Variants in CKAP2 observed in about 807,000 individuals in gnomAD.
CKAP2 encodes cytoskeleton associated protein 2.
In CKAP2, 46 loss-of-function variants were observed where a neutral mutation model predicts 58.4. The ratio of observed to expected loss-of-function variants is 0.79; its 90% CI spans 0.62 to 1.01. CKAP2 has a LOEUF of 1.01. Among genes scored for constraint, CKAP2 ranks in the 50% least tolerant of loss-of-function variants. The pLI is 0.00. For missense variants in CKAP2, 809 were observed against 796.4 expected, an observed-to-expected ratio of 1.02 and a Z score of -0.19; for synonymous variants, 293 against 280.9, an observed-to-expected ratio of 1.04 and a Z score of -0.43.
intron 7 of CKAP2, among the ~76,000 whole-genome samples, chr13:52,469,878 G>A (rs990052155): frequency 6.7e-6 from 1 of 149,686 alleles, no homozygotes; most frequent in Non-Finnish European, 1.5e-5. Context: ...TTACAGGCGT[G>A]AGCCACCGTG....
At chr13:52,455,933 T>A (rs1270994151) in intron 1 of CKAP2, 3 of 1,156,370 alleles carry the variant, frequency 2.6e-6, no homozygotes, top group Admixed American at 5.0e-5. Flanking sequence ...AGACCCTGGG[T>A]CCGCTTGGGG....
intron 8 of CKAP2, 149 bp downstream of exon 8, chr13:52,474,233 T>C (rs2137876508): frequency 1.3e-6 from 1 of 778,506 alleles, no homozygotes; most frequent in Non-Finnish European, 2.0e-6. Context: ...CGCCTGTAAT[T>C]TCAGCACTTT....
intron 1 of CKAP2, chr13:52,456,037 CAT>C (rs1214247230): frequency 2.5e-5 from 26 of 1,040,712 alleles, no homozygotes; most frequent in Non-Finnish European, 2.9e-5. Flanking sequence ...GGGGTCGCAT[CAT>C]GTGTTATTTC....
intron 2 of CKAP2, among the ~76,000 whole-genome samples, chr13:52,457,469 A>G (rs1253957462): frequency 6.6e-6 from 1 of 152,210 alleles, no homozygotes; most frequent in Non-Finnish European, 1.5e-5. Context: ...TAGATAGTAC[A>G]TAGCTGTAGC....
intron 2 of CKAP2, among the ~76,000 whole-genome samples, chr13:52,460,413 T>C (rs544357787): frequency 6.6e-6 from 1 of 152,152 alleles, no homozygotes; most frequent in Admixed American, 6.5e-5. Context: ...TTAGGACTTT[T>C]AGAAAATATC....
chr13:52,468,103 C>T (rs1369484193), intron 6 of CKAP2, among the ~76,000 whole-genome samples, 175 bp from the exon 7 acceptor site: 2 of 152,020 alleles, frequency 1.3e-5, no homozygotes, highest in Non-Finnish European at 2.9e-5. Context: ...AGCCATCGTG[C>T]CCAGCCAAGA....
In CKAP2 at chr13:52,455,485, G is replaced by T. The variant is rs567515192; in HGVS notation, c.-72G>T. 4.7e-4 allele frequency: 743 copies of T among 1,574,448 alleles called. 1 individual carries two copies. Among genetic ancestry groups the T allele is most frequent in the Non-Finnish European group, 6.0e-4 (690 of 1,145,652 alleles). On this transcript the variant is annotated 5_prime_UTR_variant, in exon 1 of 9. Transcript: ENST00000258607. The stretch of plus-strand genomic sequence containing the variant: ...TGACGGCTTAGCCGCGGTGCAGACT[G>T]CGGCGGCGGTGGTCTGAGGAAGTTC...
intron 8 of CKAP2, 128 bp downstream of exon 8, chr13:52,474,212 A>T (rs1219848415): frequency 2.1e-6 from 2 of 930,824 alleles, no homozygotes; most frequent in East Asian, 5.2e-5. Context: ...CAGTACGGGC[A>T]TGGTGGCTCA....
In CKAP2 at chr13:52,455,521, C is replaced by A; in HGVS notation, c.-36C>A. ...GGTCTGAGGAAGTTCTATCTTGGCG[C>A]TAAAGCGGAGACGCATCCCCCGACC... On this transcript the variant is annotated 5_prime_UTR_variant, in exon 1 of 9. Coordinates refer to ENST00000258607, the MANE Select transcript of CKAP2 (RefSeq NM_018204.5). 1 of 1,612,240 alleles carries A rather than the reference C, an allele frequency of 6.2e-7. No individual in the cohort carries two copies. Among genetic ancestry groups the A allele is most frequent in the Non-Finnish European group, 8.5e-7 (1 of 1,179,260 alleles).
intron 7 of CKAP2, among the ~76,000 whole-genome samples, chr13:52,469,751 C>T (rs1005027797): frequency 4.6e-5 from 7 of 150,630 alleles, no homozygotes; most frequent in Non-Finnish European, 8.9e-5. Flanking sequence ...CGCCCGCCAC[C>T]GCGCCCGGCT....
chr13:52,467,775 A>G (rs1958701768), intron 6 of CKAP2, among the ~76,000 whole-genome samples: 1 of 151,932 alleles, frequency 6.6e-6, no homozygotes, highest in African/African-American at 2.4e-5. Flanking sequence ...ATTGGAAAAG[A>G]CAGCCATTTT....
chr13:52,462,992 C>T (rs1475631834), intron 5 of CKAP2, among the ~76,000 whole-genome samples: 1 of 152,226 alleles, frequency 6.6e-6, no homozygotes, highest in African/African-American at 2.4e-5. Context: ...AGCTGGAGTG[C>T]AGTGGTGTGA....
chr13:52,457,375 G>A (rs917170578), intron 2 of CKAP2, among the ~76,000 whole-genome samples: 1 of 152,080 alleles, frequency 6.6e-6, no homozygotes, highest in Non-Finnish European at 1.5e-5. Context: ...GGAAGGGTTG[G>A]GTGGCCCTCC....
Position 52,456,626 on chromosome 13 carries a change from C to CT in CKAP2, c.155+23dup. 1 of 1,543,524 alleles carries CT rather than the reference C, an allele frequency of 6.5e-7. No individual in the cohort carries two copies. Among genetic ancestry groups the CT allele is most frequent in the Non-Finnish European group, 8.9e-7 (1 of 1,118,636 alleles). ...TATCCAGGTAAGGTCAAGTTTATTT[C>CT]TTTTCACTTCTGTAAAATTGTATCA... On this transcript the variant is annotated intron_variant, in intron 2 of 8. Coordinates refer to ENST00000258607, the MANE Select transcript of CKAP2 (RefSeq NM_018204.5).
rs764871614 is a variant in CKAP2 at position 52,456,503 on chromosome 13, C to T, written c.71-20C>T. 2 of 1,562,620 alleles carry T rather than the reference C, an allele frequency of 1.3e-6. No homozygotes were observed. Among genetic ancestry groups the T allele is most frequent in the Admixed American group, 1.8e-5 (1 of 57,068 alleles). On this transcript the variant is annotated intron_variant, in intron 1 of 8. Transcript: ENST00000258607. Reference sequence around the variant, plus strand: ...TGTTTTAACTAATATTGACTTGTAGCTCTTACCTTTGTTATCTAGAGCAAA... The same window carrying T: ...TGTTTTAACTAATATTGACTTGTAGTTCTTACCTTTGTTATCTAGAGCAAA...
In CKAP2 at chr13:52,457,511, A is replaced by G. The variant is rs1229155336; in HGVS notation, c.155+904A>G. Among the ~76,000 whole-genome samples the G allele has an allele frequency of 2.6e-5, 4 of 152,324 alleles. No homozygotes were observed. In the South Asian group the frequency reaches 8.3e-4, roughly 32 times the overall value. The stretch of plus-strand genomic sequence containing the variant: ...AAAAACCCATGAAAGTAGATGAAGC[A>G]GAAAGGCAAAAGGTCCCCTCACTCT... On this transcript the variant is annotated intron_variant, in intron 2 of 8. Coordinates refer to ENST00000258607, the MANE Select transcript of CKAP2 (RefSeq NM_018204.5).
At position 52,476,248 on chromosome 13, in the gene CKAP2, C is replaced by T. The variant is rs1432798932; in HGVS notation, c.*1107C>T. ...TGCTTAGTCATTTTTATGTTCATTC[C>T]ACTTTGTATATCTTTTCTATTTATT... is the stretch of plus-strand genomic sequence containing the variant. On this transcript the variant is annotated 3_prime_UTR_variant, in exon 9 of 9. Coordinates refer to ENST00000258607, the MANE Select transcript of CKAP2 (RefSeq NM_018204.5). 1 of 152,056 alleles carries T rather than the reference C, an allele frequency of 6.6e-6. No homozygotes were observed. The highest frequency in any genetic ancestry group is 1.5e-5 in the Non-Finnish European group (1 of 67,992). The allele number at this position is 152,056 out of a possible 1,614,324, so 9.4% of individuals were successfully genotyped here. A position where few individuals can be genotyped will look rare whatever the true frequency, so the allele number is the denominator to read the frequency against.
At chr13:52,456,161 C>A in intron 1 of CKAP2, 8 of 1,040,676 alleles carry the variant, frequency 7.7e-6, no homozygotes, top group Non-Finnish European at 9.2e-6. Flanking sequence ...GAAAGTAATT[C>A]TCATCTAACC....
At chr13:52,460,609 T>C (rs58489920) in intron 2 of CKAP2, among the ~76,000 whole-genome samples, 1 of 148,008 alleles carries the variant, frequency 6.8e-6, no homozygotes, top group African/African-American at 2.5e-5. Flanking sequence ...CCCGCCACCA[T>C]GCCCGGCTAA....
Sources: gnomAD v4.1 joint callset for allele counts (sites outside exome capture counted in the v4.1 genomes callset) on GRCh38, gnomAD v4.1.1 for gene constraint, MANE v1.5 for transcripts, NCBI Gene and HGNC (gene_info 2026-07-23, HGNC 2026-07-21) for gene names.